The following SCN4A variants were observed in gnomAD, a reference collection of about 807,000 sequenced individuals.
SCN4A encodes sodium channel protein type 4 subunit alpha.
A neutral mutation model predicts 162.0 loss-of-function variants in SCN4A; 83 were observed. That is an observed-to-expected ratio of 0.51 (90% confidence interval 0.43 to 0.61). The LOEUF (loss-of-function observed/expected upper bound fraction) is 0.61. Among genes scored for constraint, SCN4A ranks in the 20% least tolerant of loss-of-function variants. The pLI is 0.00. For missense variants in SCN4A, 2,196 were observed against 2,462.5 expected (o/e 0.89, Z 2.29); for synonymous variants, 944 against 985.1 (o/e 0.96, Z 0.78).
At chr17:63,957,553 C>T in intron 12 of SCN4A, 35 bp from the exon 13 acceptor site, 2 of 1,472,038 alleles carry the variant, frequency 1.4e-6, no homozygotes, top group Non-Finnish European at 9.4e-7. Flanking sequence ...GAATGAGGCC[C>T]AGGGACCACC....
At chr17:63,954,624 C>T (rs901007243) in intron 13 of SCN4A, among the ~76,000 whole-genome samples, 9 of 152,164 alleles carry the variant, frequency 5.9e-5, no homozygotes, top group African/African-American at 2.2e-4. Flanking sequence ...GCAGGGGATG[C>T]GGGTCCTCAC....
chr17:63,968,446 T>A (rs1304521004), intron 5 of SCN4A, 91 bp from the exon 6 acceptor site: 1 of 1,045,838 alleles, frequency 9.6e-7, no homozygotes, highest in Non-Finnish European at 1.4e-6. Flanking sequence ...TTTTTCCTAC[T>A]CCATCTTCAA....
In SCN4A at chr17:63,972,357, G is replaced by C. The variant is rs377620351; in HGVS notation, c.387C>G (p.Ile129Met). 1 of 1,613,630 alleles carries C rather than the reference G, an allele frequency of 6.2e-7. No individual in the cohort carries two copies. Among genetic ancestry groups the C allele is most frequent in the Non-Finnish European group, 8.5e-7 (1 of 1,179,634 alleles). The change falls in exon 2 of 24, where the codon ATC becomes ATG. Residue 129 changes from isoleucine to methionine, a missense_variant. Ile to Met is a conservative substitution (Grantham distance 10, BLOSUM62 1). Transcript: ENST00000435607. The surrounding 1 kb of genome is among the most constrained non-coding windows in gnomAD (Gnocchi z 4.3). ...TCCCATCTTGGGCAGGATATGCATG[G>C]ATGAGCACCTTGATGGCCCCGCGCC... ...VVRRGAIKVL[I>M]HALFSMFIMI...
chr17:63,950,350 C>T lies in SCN4A; in HGVS notation c.2854-822G>A, dbSNP rs1205017305. Among the ~76,000 whole-genome samples the T allele has an allele frequency of 6.6e-6, 1 of 152,144 alleles. No individual in the cohort carries two copies. Among genetic ancestry groups the T allele is most frequent in the East Asian group, 1.9e-4 (1 of 5,194 alleles). On this transcript the variant is annotated intron_variant, in intron 14 of 23. Coordinates refer to ENST00000435607, the MANE Select transcript of SCN4A (RefSeq NM_000334.4). This position sits in a 1 kb window ranked among gnomAD's most constrained non-coding sequence, Gnocchi z 4.6. The stretch of plus-strand genomic sequence containing the variant: ...CAGAGTGTTAGGTCAGCCAGGGCAT[C>T]CACTGAGTTGCTTGCCCCGATTGTG...
Position 63,945,454 on chromosome 17 carries a change from C to T in SCN4A, c.3626G>A (p.Cys1209Tyr). 1 of 1,613,942 alleles carries T rather than the reference C, an allele frequency of 6.2e-7. No individual in the cohort carries two copies. The highest frequency in any genetic ancestry group is 8.5e-7 in the Non-Finnish European group (1 of 1,179,850). ...DISEVNNKSE[C>Y]ESLMHTGQVR... is the part of the protein sequence containing the mutation. ...CTGGCCTGTGTGCATGAGGCTCTCG[C>T]ACTCAGACTTGTTGTTGACCTCGGA... is the stretch of plus-strand genomic sequence containing the variant. The change falls in exon 19 of 24, where the codon TGC (cysteine) becomes TAC (tyrosine). Residue 1209 changes from cysteine (C) to tyrosine (Y), a missense_variant. Transcript: ENST00000435607. This position sits in a 1 kb window ranked among gnomAD's most constrained non-coding sequence, Gnocchi z 4.4.
chr17:63,940,816 G>A lies in SCN4A; in HGVS notation c.5466C>T (p.Pro1822=). ...CACCTGGGCGCACAGTCTGCCCTGG[G>A]GGAGGGGCGGGAGGCCAGGCAGTGT... ...PSDTAWPPAP[P]PGQTVRPGVK... The change falls in exon 24 of 24, where the codon CCC becomes CCT. Residue 1822 remains proline, a synonymous_variant. Coordinates refer to ENST00000435607, the MANE Select transcript of SCN4A (RefSeq NM_000334.4). 1 of 1,603,542 alleles carries A rather than the reference G, an allele frequency of 6.2e-7. No individual in the cohort carries two copies. The highest frequency in any genetic ancestry group is 8.5e-7 in the Non-Finnish European group (1 of 1,173,424).
Position 63,951,665 on chromosome 17 carries a change from C to T in SCN4A, c.2612G>A (p.Gly871Glu), listed in dbSNP as rs1908916464. Residue 871 changes from glycine (G) to glutamate (E), a missense_variant, in exon 14 of 24, where the codon GGG becomes GAG. Gly to Glu is a moderately conservative substitution (Grantham distance 98, BLOSUM62 -2). Coordinates refer to ENST00000435607, the MANE Select transcript of SCN4A (RefSeq NM_000334.4). This position sits in a 1 kb window ranked among gnomAD's most constrained non-coding sequence, Gnocchi z 4.5. Reference sequence around the variant, plus strand: ...CTTCTCATCCTCGGGGGCAGTCTCCCCCGCCTCTCCAGCCTCCCCGGCCCC... The same window carrying T: ...CTTCTCATCCTCGGGGGCAGTCTCCTCCGCCTCTCCAGCCTCCCCGGCCCC... Reference protein sequence around the residue: ...ADGAGEAGEAGETAPEDEKKE... With the variant: ...ADGAGEAGEAEETAPEDEKKE... 6.2e-7 allele frequency: 1 copy of T among 1,605,366 alleles called. No homozygotes were observed. The highest frequency in any genetic ancestry group is 8.5e-7 in the Non-Finnish European group (1 of 1,175,884).
In SCN4A at chr17:63,972,494, G is replaced by A. The variant is rs368187343; in HGVS notation, c.274-24C>T. 182 of 1,611,106 alleles carry A rather than the reference G, an allele frequency of 1.1e-4. No homozygotes were observed. Among genetic ancestry groups the A allele is most frequent in the Non-Finnish European group, 1.5e-4 (178 of 1,178,536 alleles). On this transcript the variant is annotated intron_variant, in intron 1 of 23. Transcript: ENST00000435607. The surrounding 1 kb of genome is among the most constrained non-coding windows in gnomAD (Gnocchi z 4.3). The stretch of plus-strand genomic sequence containing the variant: ...GTCTAAGGTGGGAGAGAGGCTGTGA[G>A]ACCCAGGGACAGACAGACAGGCAGA...
intron 6 of SCN4A, among the ~76,000 whole-genome samples, chr17:63,967,332 TG>T (rs1330858291): frequency 6.6e-6 from 1 of 152,032 alleles, no homozygotes; most frequent in Non-Finnish European, 1.5e-5. Flanking sequence ...TTTGTATTTT[TG>T]GTAGAGACGG....
At position 63,961,329 on chromosome 17, in the gene SCN4A, A is replaced by T. The variant is rs767551056; in HGVS notation, c.1709T>A (p.Ile570Asn). The T allele has an allele frequency of 1.1e-5, 18 of 1,613,756 alleles. No homozygotes were observed. The highest frequency in any genetic ancestry group is 1.4e-5 in the Non-Finnish European group (17 of 1,179,790). Reference sequence around the variant, plus strand: ...CGGGTCCATGACGATCAGGTGGATGATGTTCTTGAACTTCAGCCACGGGGC... The same window carrying T: ...CGGGTCCATGACGATCAGGTGGATGTTGTTCTTGAACTTCAGCCACGGGGC... ...CCAPWLKFKNIIHLIVMDPFV... is the reference protein window; with the variant it reads ...CCAPWLKFKNNIHLIVMDPFV... The change falls in exon 11 of 24, where the codon ATC (isoleucine) becomes AAC (asparagine). Residue 570 changes from isoleucine to asparagine, a missense_variant. Physicochemically the swap from Ile to Asn is moderately radical, Grantham distance 149 (BLOSUM62 -3). Transcript: ENST00000435607.
rs1166191602 is a variant in SCN4A at position 63,940,027 on chromosome 17, C to T, written c.*744G>A. The T allele has an allele frequency of 2.0e-5, 3 of 152,256 alleles. No homozygotes were observed. The highest frequency in any genetic ancestry group is 2.9e-5 in the Non-Finnish European group (2 of 68,080). The allele number at this position is 152,256 out of a possible 1,614,324, so 9.4% of individuals were successfully genotyped here. On this transcript the variant is annotated 3_prime_UTR_variant, in exon 24 of 24. Coordinates refer to ENST00000435607, the MANE Select transcript of SCN4A (RefSeq NM_000334.4). ...TTCCTAGAAAAGGACAATTCATTCC[C>T]AAGTGGCATCCTTCCTTCTGCTCTT...
At chr17:63,963,938 G>A (rs2144803405) in intron 9 of SCN4A, 113 bp from the exon 10 acceptor site, 1 of 1,064,340 alleles carries the variant, frequency 9.4e-7, no homozygotes, top group East Asian at 2.7e-5. Context: ...CCCTCTTCCT[G>A]GCCTGTGTCA....
In SCN4A at chr17:63,966,114, G is replaced by C; in HGVS notation, c.1230C>G (p.Asn410Lys). ...FRLMTQDYWE[N>K]LFQLTLRAAG... is the part of the protein sequence containing the mutation. ...GGGGCAGCTGTACCAGCTGGAAGAG[G>C]TTCTCCCAATAGTCCTGTGTCATGA... The change falls in exon 8 of 24, where the codon AAC becomes AAG. Residue 410 changes from asparagine (N) to lysine (K), a missense_variant. Transcript: ENST00000435607. 2 of 1,583,552 alleles carry C rather than the reference G, an allele frequency of 1.3e-6. No individual in the cohort carries two copies. The highest frequency in any genetic ancestry group is 1.7e-6 in the Non-Finnish European group (2 of 1,164,764).
rs1444064998 is a variant in SCN4A, at chr17:63,968,158, A to T, written c.901T>A (p.Tyr301Asn). ...TTGCCATACCATGTGTCATTGCCGTACCACGTGTCATTGCTGTACCACGTG... is the reference window on the plus strand; with the variant it reads ...TTGCCATACCATGTGTCATTGCCGTTCCACGTGTCATTGCTGTACCACGTG... ...NTTWYSNDTW[Y>N]GNDTWYGNEM... is the part of the protein sequence containing the mutation. Residue 301 changes from tyrosine (Y) to asparagine (N), a missense_variant, in exon 6 of 24, where the codon TAC becomes AAC. By Grantham distance (143) the Tyr-to-Asn change is moderately radical. Transcript: ENST00000435607. 6.2e-7 allele frequency: 1 copy of T among 1,613,924 alleles called. No homozygotes were observed. The highest frequency in any genetic ancestry group is 1.3e-5 in the African/African-American group (1 of 75,024).
chr17:63,971,270 G>T lies in SCN4A; in HGVS notation c.612-17C>A, dbSNP rs1445520678. 1.4e-6 allele frequency: 2 copies of T among 1,421,582 alleles called. No individual in the cohort carries two copies. The highest frequency in any genetic ancestry group is 1.5e-5 in the African/African-American group (1 of 68,416). The allele number at this position is 1,421,582 out of a possible 1,614,324, so 88.1% of individuals were successfully genotyped here. ...GTCAGGTACCTGGGTAGGGGGTGGA[G>T]GGGGGTGGGGACTGTCAGAGCCTGG... On this transcript the variant is annotated splice_polypyrimidine_tract_variant and intron_variant, in intron 4 of 23. Coordinates refer to ENST00000435607, the MANE Select transcript of SCN4A (RefSeq NM_000334.4).
chr17:63,957,361 T>C lies in SCN4A; in HGVS notation c.2177A>G (p.Tyr726Cys), dbSNP rs1341298062. The C allele has an allele frequency of 6.2e-7, 1 of 1,613,978 alleles. No individual in the cohort carries two copies. The highest frequency in any genetic ancestry group is 2.2e-5 in the East Asian group (1 of 44,890). ...VVGMQLFGKS[Y>C]KECVCKIALD... ...GGCAATCTTGCACACGCACTCCTTGTAGCTCTTGCCAAACAGCTGCATGCC... is the reference window on the plus strand; with the variant it reads ...GGCAATCTTGCACACGCACTCCTTGCAGCTCTTGCCAAACAGCTGCATGCC... The change falls in exon 13 of 24, where the codon TAC becomes TGC. Residue 726 changes from tyrosine (Y) to cysteine (C), a missense_variant. Tyr to Cys is a radical substitution (Grantham distance 194, BLOSUM62 -2). Coordinates refer to ENST00000435607, the MANE Select transcript of SCN4A (RefSeq NM_000334.4).
chr17:63,945,309 T>G lies in SCN4A; in HGVS notation c.3720+51A>C, dbSNP rs1598406612. The stretch of plus-strand genomic sequence containing the variant: ...GTTGGGTACAACGAGAGGACCGGGG[T>G]GGGGGGCACCTCCATCCAGGTTCCC... On this transcript the variant is annotated intron_variant, in intron 19 of 23. Coordinates refer to ENST00000435607, the MANE Select transcript of SCN4A (RefSeq NM_000334.4). This position sits in a 1 kb window ranked among gnomAD's most constrained non-coding sequence, Gnocchi z 4.4. The G allele has an allele frequency of 5.3e-6, 8 of 1,509,028 alleles. No homozygotes were observed. The highest frequency in any genetic ancestry group is 3.5e-5 in the Admixed American group (2 of 57,748). The allele number at this position is 1,509,028 out of a possible 1,614,324, so 93.5% of individuals were successfully genotyped here.
chr17:63,942,033 G>T (rs1204942482), intron 23 of SCN4A, 40 bp from the exon 24 acceptor site: 1 of 1,521,422 alleles, frequency 6.6e-7, no homozygotes, highest in South Asian at 1.3e-5. Context: ...CACTGGGGAG[G>T]GGGGCCGGCA....
At chr17:63,962,036 C>T (rs1909280837) in intron 10 of SCN4A, among the ~76,000 whole-genome samples, 1 of 151,704 alleles carries the variant, frequency 6.6e-6, no homozygotes, top group African/African-American at 2.4e-5. Context: ...AACTTTTCCC[C>T]AAGCCCCGCC....
Sources: gnomAD v4.1 joint callset for allele counts (sites outside exome capture counted in the v4.1 genomes callset) on GRCh38, gnomAD v4.1.1 for gene constraint, Gnocchi (gnomAD v3.1) non-coding constraint, MANE v1.5 for transcripts, NCBI Gene and HGNC (gene_info 2026-07-23, HGNC 2026-07-21) for gene names.